RALGPS1: variants seen among roughly 807,000 people sequenced by gnomAD.
RALGPS1 encodes the protein ras-specific guanine nucleotide-releasing factor RalGPS1.
Under a neutral mutation model 78.8 loss-of-function variants are expected in RALGPS1, and 19 were observed. The observed-to-expected ratio is 0.24, with a 90% CI of 0.17 to 0.35. The LOEUF (loss-of-function observed/expected upper bound fraction) is 0.35. Among genes scored for constraint, RALGPS1 ranks in the 10% least tolerant of loss-of-function variants. RALGPS1 has a pLI of 1.00. For synonymous variants in RALGPS1, 228 were observed against 256.3 expected (o/e 0.89, Z 1.06); for missense variants, 454 against 688.3 (o/e 0.66, Z 3.81).
intron 11 of RALGPS1, among the ~76,000 whole-genome samples, chr9:127,191,602 G>A (rs924614128): frequency 6.6e-6 from 1 of 151,926 alleles, no homozygotes; most frequent in Non-Finnish European, 1.5e-5. Context: ...ATCCAGTAGG[G>A]CAAGTCTTGC....
rs543085318 is a variant in RALGPS1 at position 127,204,556 on chromosome 9, G to C, written c.1247+5490G>C. Among the ~76,000 whole-genome samples, 335 of 152,234 alleles carry C rather than the reference G, an allele frequency of 2.2e-3. 2 individuals carry two copies. Among genetic ancestry groups the C allele is most frequent in the African/African-American group, 7.8e-3 (323 of 41,534 alleles). On this transcript the variant is annotated intron_variant, in intron 14 of 18. Coordinates refer to ENST00000259351, the MANE Select transcript of RALGPS1 (RefSeq NM_014636.3). ...CAGTCATCATGGGAGGGATGGACTG[G>C]AGTGATGGCAAATTTCTACCAGCAC...
intron 1 of RALGPS1, among the ~76,000 whole-genome samples, chr9:126,933,416 G>A (rs556145346): frequency 6.6e-6 from 1 of 152,310 alleles, no homozygotes; most frequent in African/African-American, 2.4e-5. Flanking sequence ...AAAGTAGCCT[G>A]GGCTTCAAGG....
At chr9:127,132,520 A>T (rs1430655452) in intron 8 of RALGPS1, among the ~76,000 whole-genome samples, 6 of 152,198 alleles carry the variant, frequency 3.9e-5, no homozygotes, top group African/African-American at 1.4e-4. Flanking sequence ...GTAAGGGTGG[A>T]GCAGCCACCT....
intron 11 of RALGPS1, among the ~76,000 whole-genome samples, chr9:127,176,508 G>A (rs968435861): frequency 4.6e-5 from 7 of 152,206 alleles, no homozygotes; most frequent in African/African-American, 1.7e-4. Flanking sequence ...CTAGCCTATT[G>A]CATCGGGAGA....
intron 8 of RALGPS1, among the ~76,000 whole-genome samples, chr9:127,121,264 A>G (rs1407190163): frequency 1.3e-5 from 2 of 152,238 alleles, no homozygotes; most frequent in Non-Finnish European, 2.9e-5. Flanking sequence ...TTCACAGATA[A>G]GAAAACTGAG....
At chr9:126,962,392 T>C (rs1377908844) in intron 2 of RALGPS1, 46 bp downstream of exon 2, 5 of 1,597,540 alleles carry the variant, frequency 3.1e-6, no homozygotes, top group Non-Finnish European at 4.3e-6. Context: ...GGGGTCTCCT[T>C]TCAGCTAACC....
chr9:127,067,587 C>A (rs1343376010), intron 7 of RALGPS1, among the ~76,000 whole-genome samples: 1 of 152,242 alleles, frequency 6.6e-6, no homozygotes, highest in Non-Finnish European at 1.5e-5. Context: ...TTTCCCACTC[C>A]TCTCCATTGC....
rs1338305420 is a variant in RALGPS1, at chr9:127,205,908, G to A, written c.1248-6223G>A. Among the ~76,000 whole-genome samples, 1 of 152,244 alleles carries A rather than the reference G, an allele frequency of 6.6e-6. No individual in the cohort carries two copies. The highest frequency in any genetic ancestry group is 1.5e-5 in the Non-Finnish European group (1 of 68,052). On this transcript the variant is annotated intron_variant, in intron 14 of 18. Transcript: ENST00000259351. The surrounding 1 kb of genome is among the most constrained non-coding windows in gnomAD (Gnocchi z 4.0). ...TGTTGCCCTGTCCACTTAGCTGTCA[G>A]AAGGATGGGGACATACAGTACAAAT...
chr9:127,133,949 T>A (rs2057203963), intron 8 of RALGPS1, among the ~76,000 whole-genome samples: 1 of 151,908 alleles, frequency 6.6e-6, no homozygotes, highest in Non-Finnish European at 1.5e-5. Context: ...TGCCCCTGCC[T>A]CCTAGGCTGC....
rs2062667207 is a variant in RALGPS1, at chr9:127,218,011, T to C, written c.1645-729T>C. Among the ~76,000 whole-genome samples the C allele has an allele frequency of 6.6e-6, 1 of 152,212 alleles. No homozygotes were observed. The highest frequency in any genetic ancestry group is 1.9e-4 in the East Asian group (1 of 5,200). ...ATTCTTATAACTGTCTCCTGGTACA[T>C]GGAGATGCATTTTTTTCCTAATTCA... On this transcript the variant is annotated intron_variant, in intron 18 of 18. Transcript: ENST00000259351. This position sits in a 1 kb window ranked among gnomAD's most constrained non-coding sequence, Gnocchi z 4.4.
intron 8 of RALGPS1, among the ~76,000 whole-genome samples, chr9:127,151,928 T>A (rs1291607668): frequency 1.3e-5 from 2 of 152,208 alleles, no homozygotes; most frequent in Non-Finnish European, 2.9e-5. Flanking sequence ...TCTCTTTTCA[T>A]TGGCACTGAG....
chr9:127,155,165 A>G (rs575310960), intron 8 of RALGPS1, among the ~76,000 whole-genome samples: 30 of 152,198 alleles, frequency 2.0e-4, no homozygotes, highest in South Asian at 1.2e-3. Flanking sequence ...TGAGCAATAG[A>G]ATTTCAGAGG....
intron 7 of RALGPS1, among the ~76,000 whole-genome samples, chr9:127,056,004 G>T (rs1401610465): frequency 6.6e-6 from 1 of 152,184 alleles, no homozygotes; most frequent in Non-Finnish European, 1.5e-5. Flanking sequence ...GAGAGCTGCA[G>T]CAGGACTTTG....
intron 5 of RALGPS1, among the ~76,000 whole-genome samples, chr9:127,047,926 T>G (rs2047960254): frequency 6.6e-6 from 1 of 152,170 alleles, no homozygotes. Flanking sequence ...ACTATGCTGA[T>G]TCTACCTTTG....
chr9:127,023,205 A>G (rs548098890), intron 4 of RALGPS1, among the ~76,000 whole-genome samples: 2 of 152,280 alleles, frequency 1.3e-5, no homozygotes, highest in East Asian at 1.9e-4. Context: ...GACCTAGGCA[A>G]TGTCTATTAG....
chr9:127,146,996 A>T (rs2058132947), intron 8 of RALGPS1, among the ~76,000 whole-genome samples: 1 of 152,184 alleles, frequency 6.6e-6, no homozygotes, highest in Admixed American at 6.5e-5. Context: ...ATTCCCACCA[A>T]CTGTGTATGT....
intron 8 of RALGPS1, among the ~76,000 whole-genome samples, chr9:127,105,214 C>T (rs761959463): frequency 3.9e-5 from 6 of 152,152 alleles, no homozygotes; most frequent in African/African-American, 4.8e-5. Flanking sequence ...GGGATCCTTG[C>T]GTAACAAAGA....
chr9:127,044,584 A>T (rs184679055), intron 5 of RALGPS1, among the ~76,000 whole-genome samples: 244 of 152,142 alleles, frequency 1.6e-3, no homozygotes, highest in African/African-American at 5.5e-3. Context: ...AAATAATTTC[A>T]TGTTTTATTT....
At chr9:127,054,536 T>C (rs1305862832) in intron 7 of RALGPS1, among the ~76,000 whole-genome samples, 2 of 152,164 alleles carry the variant, frequency 1.3e-5, no homozygotes, top group African/African-American at 2.4e-5. Flanking sequence ...GATGAAGCGA[T>C]GGTGTCCTCC....
Sources: allele counts gnomAD v4.1 joint callset (sites outside exome capture counted in the v4.1 genomes callset), GRCh38; gene constraint gnomAD v4.1.1; non-coding constraint Gnocchi (gnomAD v3.1); transcripts MANE v1.5; gene names NCBI Gene and HGNC (gene_info 2026-07-23, HGNC 2026-07-21).